The following CSMD2 variants were observed in gnomAD, a reference collection of about 807,000 sequenced individuals.
CSMD2 encodes CUB and sushi domain-containing protein 2.
In CSMD2, 130 loss-of-function variants were observed where a neutral mutation model predicts 398.5. That is an observed-to-expected ratio of 0.33 (90% CI 0.28 to 0.38). The LOEUF is 0.38. Ranked by LOEUF, CSMD2 falls within the 10% of genes least tolerant of loss-of-function variation. CSMD2 has a pLI of 1.00. For synonymous variants in CSMD2, 1,828 were observed against 1,908.5 expected (o/e 0.96, Z 1.10); for missense variants, 3,829 against 4,764.9 (o/e 0.80, Z 5.78).
At chr1:33,810,653 G>A in intron 10 of CSMD2, 90 bp downstream of exon 10, 1 of 1,298,458 alleles carries the variant, frequency 7.7e-7, no homozygotes, top group South Asian at 1.3e-5. Flanking sequence ...TCTACCATCA[G>A]TAAGTTCTGG....
chr1:33,735,329 C>T (rs544629851), intron 15 of CSMD2, among the ~76,000 whole-genome samples: 1 of 152,276 alleles, frequency 6.6e-6, no homozygotes, highest in Non-Finnish European at 1.5e-5. Flanking sequence ...TGAGGTGACA[C>T]TGTAAGACAC....
chr1:34,091,121 T>C (rs1450346932), intron 1 of CSMD2, among the ~76,000 whole-genome samples: 1 of 152,146 alleles, frequency 6.6e-6, no homozygotes, highest in Non-Finnish European at 1.5e-5. Context: ...GTGGTACTTA[T>C]TATAAAAGTA....
intron 5 of CSMD2, among the ~76,000 whole-genome samples, chr1:33,917,504 T>C (rs544211010): frequency 1.3e-5 from 2 of 152,234 alleles, no homozygotes; most frequent in African/African-American, 2.4e-5. Context: ...CAATAACTCA[T>C]ATCCTCCCTA....
intron 32 of CSMD2, among the ~76,000 whole-genome samples, chr1:33,630,043 C>G (rs1408677848): frequency 2.6e-5 from 4 of 152,000 alleles, no homozygotes; most frequent in African/African-American, 9.7e-5. Flanking sequence ...CTCTCTCACT[C>G]TCTCATCTTC....
At chr1:34,081,663 G>T (rs1314170391) in intron 2 of CSMD2, among the ~76,000 whole-genome samples, 3 of 152,144 alleles carry the variant, frequency 2.0e-5, no homozygotes, top group Non-Finnish European at 2.9e-5. Context: ...CGAGTGATCT[G>T]CCCGCCTCGG....
chr1:34,008,314 GTC>G (rs1570791521), intron 3 of CSMD2, among the ~76,000 whole-genome samples: 1 of 152,216 alleles, frequency 6.6e-6, no homozygotes, highest in Admixed American at 6.5e-5. Context: ...AAGGTTAAAT[GTC>G]TCATTCATCT....
At chr1:33,794,678 A>G (rs1398060762) in intron 10 of CSMD2, among the ~76,000 whole-genome samples, 1 of 152,220 alleles carries the variant, frequency 6.6e-6, no homozygotes, top group African/African-American at 2.4e-5. Flanking sequence ...AAGGCATGAC[A>G]TGAGATTTTT....
At chr1:33,922,425 G>T (rs1040507824) in intron 4 of CSMD2, among the ~76,000 whole-genome samples, 6 of 152,120 alleles carry the variant, frequency 3.9e-5, no homozygotes, top group African/African-American at 1.2e-4. Flanking sequence ...CTCCAATCAG[G>T]CCCTTGGTCC....
intron 3 of CSMD2, among the ~76,000 whole-genome samples, chr1:33,950,428 G>A (rs543143668): frequency 7.6e-6 from 1 of 131,356 alleles, no homozygotes; most frequent in African/African-American, 3.2e-5. Context: ...AGAGAGGAGA[G>A]TTTGTGTCTA....
intron 1 of CSMD2, among the ~76,000 whole-genome samples, chr1:34,119,564 C>T (rs1558417102): frequency 6.6e-6 from 1 of 152,150 alleles, no homozygotes; most frequent in African/African-American, 2.4e-5. Flanking sequence ...ACTCCTCTAA[C>T]TCAACAATAA....
chr1:34,074,465 C>A (rs1656091883), intron 2 of CSMD2, among the ~76,000 whole-genome samples: 1 of 152,118 alleles, frequency 6.6e-6, no homozygotes, highest in Admixed American at 6.5e-5. Context: ...CTGCACCTCA[C>A]CTTTCTCTCA....
chr1:33,710,023 T>C (rs1030407422), intron 21 of CSMD2, among the ~76,000 whole-genome samples: 14 of 152,252 alleles, frequency 9.2e-5, no homozygotes, highest in Non-Finnish European at 1.3e-4. Flanking sequence ...GAATTAGTCA[T>C]TCTTTCCCCA....
chr1:33,948,903 G>C (rs1046577370), intron 3 of CSMD2, among the ~76,000 whole-genome samples: 6 of 152,164 alleles, frequency 3.9e-5, no homozygotes, highest in Non-Finnish European at 5.9e-5. Context: ...CAGGGTCAGG[G>C]AGACACAGGG....
chr1:33,525,236 T>C (rs1331218034), intron 65 of CSMD2, among the ~76,000 whole-genome samples, 193 bp from the exon 66 acceptor site: 2 of 152,162 alleles, frequency 1.3e-5, no homozygotes, highest in Non-Finnish European at 2.9e-5. Flanking sequence ...AGGGAACTGA[T>C]AAATATCCAC....
In CSMD2 at chr1:33,605,713, T is replaced by C. The variant is rs79726606; in HGVS notation, c.6344-243A>G. 968 of 759,788 alleles carry C rather than the reference T, an allele frequency of 1.3e-3. 10 individuals are homozygous for C. In the African/African-American group the frequency reaches 0.016, roughly 12 times the overall value. The allele number at this position is 759,788 out of a possible 1,614,324, so 47.1% of individuals were successfully genotyped here. On this transcript the variant is annotated intron_variant, in intron 41 of 70. Coordinates refer to ENST00000373381, the MANE Select transcript of CSMD2 (RefSeq NM_001281956.2). ...CTCTTTCCACAGTACTGGCACATGG[T>C]GAAAGCTCAGTAAATAGTATCTATT...
rs146442508 is a variant in CSMD2, at chr1:33,657,989, G to T, written c.4404C>A (p.Ile1468=). 5.1e-5 allele frequency: 83 copies of T among 1,614,116 alleles called. 1 individual carries two copies. In the East Asian group the frequency reaches 6.0e-4, roughly 12 times the overall value. The part of the protein sequence containing the change: ...QGSAEISCVK[I]ENRFFWQPSP... ...TGGGCTGCCAGAAGAACCTGTTCTCGATCTTCACACAGCTGATCTCTGCAC... is the reference window on the plus strand; with the variant it reads ...TGGGCTGCCAGAAGAACCTGTTCTCTATCTTCACACAGCTGATCTCTGCAC... Residue 1468 remains isoleucine (I), a synonymous_variant, in exon 27 of 71, where the codon ATC becomes ATA. Coordinates refer to ENST00000373381, the MANE Select transcript of CSMD2 (RefSeq NM_001281956.2).
intron 53 of CSMD2, among the ~76,000 whole-genome samples, chr1:33,561,495 T>C (rs973083480): frequency 2.0e-5 from 3 of 152,230 alleles, no homozygotes; most frequent in African/African-American, 7.2e-5. Flanking sequence ...TATAATCAAA[T>C]GTCTACTGAG....
chr1:34,136,894 T>G (rs1231820828), intron 1 of CSMD2, among the ~76,000 whole-genome samples: 1 of 152,214 alleles, frequency 6.6e-6, no homozygotes, highest in Non-Finnish European at 1.5e-5. Context: ...GGCTATAATC[T>G]CTATCAAGCC....
At chr1:33,630,829 AAAC>A (rs1399665894) in intron 32 of CSMD2, among the ~76,000 whole-genome samples, 1 of 152,206 alleles carries the variant, frequency 6.6e-6, no homozygotes. Context: ...CAAAAAGAGT[AAAC>A]AACACCATGA....
Sources: allele counts gnomAD v4.1 joint callset (sites outside exome capture counted in the v4.1 genomes callset), GRCh38; gene constraint gnomAD v4.1.1; transcripts MANE v1.5; gene names NCBI Gene and HGNC (gene_info 2026-07-23, HGNC 2026-07-21).